CNTN4: variants seen among roughly 807,000 people sequenced by gnomAD.
CNTN4 encodes contactin 4, also known as contactin-4.
Under a neutral mutation model 122.5 loss-of-function variants are expected in CNTN4, and 77 were observed. The ratio of observed to expected loss-of-function variants is 0.63; its 90% CI spans 0.52 to 0.76. The LOEUF (loss-of-function observed/expected upper bound fraction) is 0.76. CNTN4 is among the 30% of genes least tolerant of loss of function. The pLI, the probability that CNTN4 is intolerant of heterozygous loss-of-function variation, is 0.00. For missense variants in CNTN4, 1,256 were observed against 1,259.1 expected (o/e 1.00, Z 0.04); for synonymous variants, 512 against 447.0 (o/e 1.15, Z -1.83).
At chr3:2,756,958 A>G (rs2090366480) in intron 6 of CNTN4, among the ~76,000 whole-genome samples, 1 of 152,228 alleles carries the variant, frequency 6.6e-6, no homozygotes, top group Non-Finnish European at 1.5e-5. Context: ...GGAAACAAAC[A>G]GGCCAACATA....
chr3:2,698,439 CGTAATCTAAGGGTCTAGA>C (rs1181741540), intron 4 of CNTN4, among the ~76,000 whole-genome samples: 1 of 151,976 alleles, frequency 6.6e-6, no homozygotes, highest in Non-Finnish European at 1.5e-5. Context: ...CGGACCACGC[CGTAATCTAAGGGTCTAGA>C]GCTCAGAGTG....
intron 3 of CNTN4, among the ~76,000 whole-genome samples, chr3:2,503,854 G>A (rs2076662858): frequency 6.6e-6 from 1 of 152,034 alleles, no homozygotes; most frequent in Admixed American, 6.6e-5. Context: ...AGGTTACTGG[G>A]GGGTTGGGAG....
At chr3:2,593,607 A>G (rs1576141127) in intron 4 of CNTN4, among the ~76,000 whole-genome samples, 1 of 152,236 alleles carries the variant, frequency 6.6e-6, no homozygotes, top group Non-Finnish European at 1.5e-5. Context: ...GGAATAAGTC[A>G]TATTTTGGAT....
At chr3:2,125,488 A>C (rs1284241453) in intron 2 of CNTN4, among the ~76,000 whole-genome samples, 1 of 152,106 alleles carries the variant, frequency 6.6e-6, no homozygotes, top group Non-Finnish European at 1.5e-5. Flanking sequence ...TTCTAGATCT[A>C]AATCTTTGAC....
chr3:2,394,018 TAAGAA>T (rs2046541730), intron 3 of CNTN4, among the ~76,000 whole-genome samples: 2 of 152,178 alleles, frequency 1.3e-5, no homozygotes, highest in African/African-American at 4.8e-5. Flanking sequence ...ATCTTACAAA[TAAGAA>T]AAGTAAGACT....
chr3:2,781,907 T>C (rs1385132433), intron 6 of CNTN4, among the ~76,000 whole-genome samples: 1 of 132,486 alleles, frequency 7.5e-6, no homozygotes, highest in African/African-American at 2.8e-5. Flanking sequence ...GTATTTTTAG[T>C]AGAGACGGGG....
chr3:2,825,599 G>A (rs1278912295), intron 7 of CNTN4, among the ~76,000 whole-genome samples: 1 of 152,098 alleles, frequency 6.6e-6, no homozygotes, highest in Non-Finnish European at 1.5e-5. Context: ...TGAGGTGGGA[G>A]GATTCCTTGA....
intron 3 of CNTN4, among the ~76,000 whole-genome samples, chr3:2,365,864 G>A (rs955950999): frequency 1.3e-4 from 20 of 152,216 alleles, no homozygotes; most frequent in Admixed American, 2.6e-4. Context: ...GTCTGTCTAT[G>A]TTGGGTTTGA....
At chr3:2,647,179 G>C (rs367889508) in intron 4 of CNTN4, among the ~76,000 whole-genome samples, 1 of 152,058 alleles carries the variant, frequency 6.6e-6, no homozygotes, top group Non-Finnish European at 1.5e-5. Flanking sequence ...TCAGGAGTTC[G>C]AGATCAGCCT....
In CNTN4 at chr3:2,159,603, C is replaced by G. The variant is rs140823804; in HGVS notation, c.-145+58964C>G. On this transcript the variant is annotated intron_variant, in intron 2 of 24. Transcript: ENST00000418658. ...TATATTAAATGGATTATCTGTCTGTCAAGCATTTTGAGCATTCCCCTTCAC... is the reference window on the plus strand; with the variant it reads ...TATATTAAATGGATTATCTGTCTGTGAAGCATTTTGAGCATTCCCCTTCAC... Among the ~76,000 whole-genome samples the G allele has an allele frequency of 1.8e-3, 275 of 152,266 alleles. 1 individual carries two copies. Among genetic ancestry groups the G allele is most frequent in the Middle Eastern group, 0.014 (4 of 294 alleles).
intron 4 of CNTN4, among the ~76,000 whole-genome samples, chr3:2,642,328 T>G (rs948065683): frequency 1.2e-4 from 18 of 152,178 alleles, no homozygotes; most frequent in Non-Finnish European, 2.4e-4. Context: ...GCTGATTAGA[T>G]GGTGCCCACC....
intron 2 of CNTN4, among the ~76,000 whole-genome samples, chr3:2,113,451 C>A (rs962678079): frequency 5.3e-5 from 8 of 152,130 alleles, no homozygotes; most frequent in Admixed American, 5.2e-4. Context: ...GAAATTTTTT[C>A]CTCACGCAGA....
At chr3:2,687,601 G>T (rs924417799) in intron 4 of CNTN4, among the ~76,000 whole-genome samples, 28 of 152,290 alleles carry the variant, frequency 1.8e-4, no homozygotes, top group African/African-American at 6.7e-4. Context: ...AATGAGCCAA[G>T]ATTGCACTAC....
At chr3:2,434,808 T>G (rs569696736) in intron 3 of CNTN4, among the ~76,000 whole-genome samples, 2 of 152,270 alleles carry the variant, frequency 1.3e-5, no homozygotes, top group East Asian at 3.9e-4. Flanking sequence ...ATTGAATATA[T>G]TTGGAGCATC....
intron 2 of CNTN4, among the ~76,000 whole-genome samples, chr3:2,279,691 G>T (rs1279091766): frequency 6.6e-6 from 1 of 151,696 alleles, no homozygotes; most frequent in Admixed American, 6.6e-5. Flanking sequence ...AATATGCATT[G>T]AAAAAAATAA....
chr3:2,726,138 TTCTC>T (rs1361481867), intron 4 of CNTN4, among the ~76,000 whole-genome samples: 9 of 152,114 alleles, frequency 5.9e-5, no homozygotes, highest in Non-Finnish European at 1.2e-4. Context: ...TCTTTTTAGG[TTCTC>T]TCTCTCTATG....
rs1405271835 is a variant in CNTN4 at position 2,758,573 on chromosome 3, C to T, written c.358+12876C>T. Among the ~76,000 whole-genome samples the T allele has an allele frequency of 5.8e-5, 8 of 136,914 alleles. 1 individual carries two copies. Among genetic ancestry groups the T allele is most frequent in the East Asian group, 2.2e-4 (1 of 4,602 alleles). 89.8% of individuals were successfully genotyped at this position (136,914 alleles called of 152,430 possible). On this transcript the variant is annotated intron_variant, in intron 6 of 24. Coordinates refer to ENST00000418658, the MANE Select transcript of CNTN4 (RefSeq NM_175607.3). ...CCCTCTGTCTGCTGGCGTGCAGTGGCGGGATCTCGGCTCACCTCTGCCTCC... is the reference window on the plus strand; with the variant it reads ...CCCTCTGTCTGCTGGCGTGCAGTGGTGGGATCTCGGCTCACCTCTGCCTCC...
At chr3:2,312,124 G>A (rs957327823) in intron 2 of CNTN4, among the ~76,000 whole-genome samples, 3 of 151,910 alleles carry the variant, frequency 2.0e-5, no homozygotes, top group African/African-American at 7.2e-5. Flanking sequence ...ATCAGCCTGA[G>A]TAACATAGTG....
intron 4 of CNTN4, among the ~76,000 whole-genome samples, chr3:2,603,058 A>T (rs1235568285): frequency 2.0e-5 from 3 of 152,108 alleles, no homozygotes; most frequent in East Asian, 3.9e-4. Context: ...TGTTGTTAAG[A>T]TATATTTTGA....
Sources: gnomAD v4.1 joint callset for allele counts (sites outside exome capture counted in the v4.1 genomes callset) on GRCh38, gnomAD v4.1.1 for gene constraint, MANE v1.5 for transcripts, NCBI Gene and HGNC (gene_info 2026-07-23, HGNC 2026-07-21) for gene names.